The following ACTL6B variants were observed in gnomAD, a reference collection of about 807,000 sequenced individuals.
ACTL6B encodes the protein actin like 6B.
In ACTL6B, 48 loss-of-function variants were observed where a neutral mutation model predicts 63.3. The observed-to-expected ratio is 0.76, with a 90% CI of 0.60 to 0.96. The LOEUF (loss-of-function observed/expected upper bound fraction) is 0.96. ACTL6B is among the 50% of genes least tolerant of loss of function. ACTL6B has a pLI of 0.00. For missense variants in ACTL6B, 350 were observed against 572.2 expected (o/e 0.61, Z 3.96); for synonymous variants, 230 against 223.8 (o/e 1.03, Z -0.25).
Position 100,656,388 on chromosome 7 carries a change from G to A in ACTL6B, c.-34C>T. The A allele has an allele frequency of 7.6e-7, 1 of 1,313,304 alleles. No homozygotes were observed. The highest frequency in any genetic ancestry group is 9.7e-7 in the Non-Finnish European group (1 of 1,027,550). 81.4% of individuals were successfully genotyped at this position (1,313,304 alleles called of 1,614,324 possible). On this transcript the variant is annotated 5_prime_UTR_variant, in exon 1 of 14. Coordinates refer to ENST00000160382, the MANE Select transcript of ACTL6B (RefSeq NM_016188.5). Reference sequence around the variant, plus strand: ...CTGCGCTGCTAGCGGCCCGTGGGCGGTGGCGGGATCAGCACCGAGGCGGCC... The same window carrying A: ...CTGCGCTGCTAGCGGCCCGTGGGCGATGGCGGGATCAGCACCGAGGCGGCC...
chr7:100,650,082 G>GC lies in ACTL6B; in HGVS notation c.422_423insG (p.Tyr141Ter). ...EKLTELMFEQYNIPAFFLCKT... is the reference protein window; with the variant it reads ...EKLTELMFEQ Reference sequence around the variant, plus strand: ...TGCATAAGAAGAAGGCAGGAATGTTGTACTGCTCGAACATCAGCTCTGTCA... The same window carrying GC: ...TGCATAAGAAGAAGGCAGGAATGTTGCTACTGCTCGAACATCAGCTCTGTCA... Residue 141 changes from tyrosine to a stop codon, truncating the protein, a stop_gained and frameshift_variant, in exon 5 of 14, where the codon TAC becomes TAGC. Coordinates refer to ENST00000160382, the MANE Select transcript of ACTL6B (RefSeq NM_016188.5). LOFTEE classifies it high-confidence loss of function. The GC allele has an allele frequency of 3.1e-6, 5 of 1,613,982 alleles. No homozygotes were observed. Among genetic ancestry groups the GC allele is most frequent in the Non-Finnish European group, 4.2e-6 (5 of 1,180,008 alleles).
chr7:100,655,205 C>A lies in ACTL6B; in HGVS notation c.269-86G>T. ...AGAAAAGGAGGGAGAAAGGCCAAGC[C>A]CAAAGGAGGGTCAGTGAGTCCAGCT... On this transcript the variant is annotated intron_variant, in intron 3 of 13. Transcript: ENST00000160382. The surrounding 1 kb of genome is among the most constrained non-coding windows in gnomAD (Gnocchi z 4.4). 7.6e-7 allele frequency: 1 copy of A among 1,311,238 alleles called. No homozygotes were observed. Among genetic ancestry groups the A allele is most frequent in the South Asian group, 1.2e-5 (1 of 82,362 alleles). 81.2% of individuals were successfully genotyped at this position (1,311,238 alleles called of 1,614,324 possible). A position where few individuals can be genotyped will look rare whatever the true frequency, so the allele number is the denominator to read the frequency against.
At chr7:100,656,227 C>G (rs888091202) in intron 1 of ACTL6B, 103 bp downstream of exon 1, 5 of 1,285,484 alleles carry the variant, frequency 3.9e-6, no homozygotes, top group Non-Finnish European at 4.0e-6. Context: ...ACTCGACCCG[C>G]TCGTGCGCGG....
chr7:100,656,242 G>T, intron 1 of ACTL6B, 88 bp downstream of exon 1: 1 of 1,323,140 alleles, frequency 7.6e-7, no homozygotes, highest in Non-Finnish European at 9.7e-7. Context: ...GCGCGGAGGT[G>T]ACAGGCCCCG....
At chr7:100,651,904 G>T (rs528572117) in intron 4 of ACTL6B, among the ~76,000 whole-genome samples, 1 of 152,072 alleles carries the variant, frequency 6.6e-6, no homozygotes, top group Non-Finnish European at 1.5e-5. Context: ...TGAAGGACCT[G>T]CTCCATGAAA....
At position 100,647,884 on chromosome 7, in the gene ACTL6B, C is replaced by T. The variant is rs779425934; in HGVS notation, c.670-351G>A. On this transcript the variant is annotated intron_variant, in intron 7 of 13. Transcript: ENST00000160382. The surrounding 1 kb of genome is among the most constrained non-coding windows in gnomAD (Gnocchi z 4.4). ...ATACTCACAGCACCCTGGCTACTGCCTACTGCCGTTCCACTTTACATAAGA... is the reference window on the plus strand; with the variant it reads ...ATACTCACAGCACCCTGGCTACTGCTTACTGCCGTTCCACTTTACATAAGA... 1.2e-5 allele frequency: 3 copies of T among 255,536 alleles called. No homozygotes were observed. Among genetic ancestry groups the T allele is most frequent in the Non-Finnish European group, 1.5e-5 (2 of 134,182 alleles). The allele number at this position is 255,536 out of a possible 1,614,324, so 15.8% of individuals were successfully genotyped here.
chr7:100,656,207 C>A, intron 1 of ACTL6B, 123 bp downstream of exon 1: 1 of 1,196,716 alleles, frequency 8.4e-7, no homozygotes, highest in East Asian at 3.1e-5. Flanking sequence ...GCGGGAGACC[C>A]GAGCCTGAGA....
chr7:100,650,813 T>C (rs771813418), intron 4 of ACTL6B, among the ~76,000 whole-genome samples: 21 of 151,752 alleles, frequency 1.4e-4, no homozygotes, highest in Non-Finnish European at 2.6e-4. Context: ...ATGGAAAATA[T>C]AAGAGAAAAG....
At position 100,646,329 on chromosome 7, in the gene ACTL6B, G is replaced by A. The variant is rs766897181; in HGVS notation, c.1120C>T (p.Arg374Ter). 17 of 1,613,716 alleles carry A rather than the reference G, an allele frequency of 1.1e-5. No individual in the cohort carries two copies. The highest frequency in any genetic ancestry group is 2.2e-5 in the South Asian group (2 of 90,998). The change falls in exon 13 of 14, where the codon CGA (arginine) becomes TGA (stop). Residue 374 changes from arginine (R) to a stop codon, truncating the protein, a stop_gained. Coordinates refer to ENST00000160382, the MANE Select transcript of ACTL6B (RefSeq NM_016188.5). LOFTEE classifies it high-confidence loss of function. The surrounding 1 kb of genome is among the most constrained non-coding windows in gnomAD (Gnocchi z 6.1). ...CTGTTGCTGGCAATGAGTTTCAGTC[G>A]CATGCTCTGGGGGTAAAAAGGGGCT... ...ELSQKTPPSMRLKLIASNSTM... is the reference protein window; with the variant it reads ...ELSQKTPPSM
intron 13 of ACTL6B, among the ~76,000 whole-genome samples, chr7:100,644,411 G>A (rs1803781844): frequency 6.6e-6 from 1 of 152,036 alleles, no homozygotes; most frequent in South Asian, 2.1e-4. Context: ...CACCAGCCCT[G>A]GTCCAAATTG....
At position 100,646,235 on chromosome 7, in the gene ACTL6B, C is replaced by T. The variant is rs568197781; in HGVS notation, c.1200+14G>A. ...CCCCACAGTCAGTGCTAGGCCAGGT[C>T]CCTTTCCTCTCACCAGTGAGGCCAG... On this transcript the variant is annotated intron_variant, in intron 13 of 13. Coordinates refer to ENST00000160382, the MANE Select transcript of ACTL6B (RefSeq NM_016188.5). This position sits in a 1 kb window ranked among gnomAD's most constrained non-coding sequence, Gnocchi z 6.1. 4.3e-5 allele frequency: 69 copies of T among 1,612,512 alleles called. No individual in the cohort carries two copies. The East Asian group carries it at 1.4e-3, about 32-fold the overall frequency.
chr7:100,649,910 G>T, intron 5 of ACTL6B, 128 bp downstream of exon 5: 1 of 766,678 alleles, frequency 1.3e-6, no homozygotes, highest in Non-Finnish European at 2.1e-6. Context: ...GGCAGAGGGA[G>T]GTGTCTGCCC....
chr7:100,651,379 C>T (rs1336997856), intron 4 of ACTL6B, among the ~76,000 whole-genome samples: 4 of 151,752 alleles, frequency 2.6e-5, no homozygotes, highest in East Asian at 1.9e-4. Context: ...GGTGAAACCC[C>T]GTCTCTACTA....
In ACTL6B at chr7:100,647,346, C is replaced by A; in HGVS notation, c.760-62G>T. The A allele has an allele frequency of 6.2e-7, 1 of 1,600,924 alleles. No individual in the cohort carries two copies. ...CCCGTGAGCAGCACCCCCTGCCCCG[C>A]TCCCCCTCCCTGCTCCCCCTCCCAT... On this transcript the variant is annotated intron_variant, in intron 8 of 13. Transcript: ENST00000160382. This position sits in a 1 kb window ranked among gnomAD's most constrained non-coding sequence, Gnocchi z 4.4.
At chr7:100,656,262 G>C (rs1418095510) in intron 1 of ACTL6B, 68 bp downstream of exon 1, 2 of 1,369,262 alleles carry the variant, frequency 1.5e-6, no homozygotes, top group Non-Finnish European at 1.9e-6. Context: ...GGGGTGCCCA[G>C]AGCTCGGATG....
Position 100,647,270 on chromosome 7 carries a change from G to C in ACTL6B, c.774C>G (p.Asp258Glu). The C allele has an allele frequency of 6.2e-7, 1 of 1,613,312 alleles. No homozygotes were observed. The highest frequency in any genetic ancestry group is 8.5e-7 in the Non-Finnish European group (1 of 1,179,942). Residue 258 changes from aspartate to glutamate, a missense_variant, in exon 9 of 14, where the codon GAC becomes GAG. Asp to Glu is a conservative substitution (Grantham distance 45, BLOSUM62 2). Coordinates refer to ENST00000160382, the MANE Select transcript of ACTL6B (RefSeq NM_016188.5). This position sits in a 1 kb window ranked among gnomAD's most constrained non-coding sequence, Gnocchi z 4.4. Reference sequence around the variant, plus strand: ...AGACCTGCAGCACGGAGGCCTGGAAGTCCTGGATCACCTCCTGAAATCCCA... The same window carrying C: ...AGACCTGCAGCACGGAGGCCTGGAACTCCTGGATCACCTCCTGAAATCCCA... ...HNYMCNEVIQ[D>E]FQASVLQVSD... is the part of the protein sequence containing the mutation.
rs758542392 is a variant in ACTL6B at position 100,648,713 on chromosome 7, C to A, written c.562+16G>T. ...TGGTCCTCCTGGAGCACCCCCACCC[C>A]CTGCCGAAGCCCCACCTTGCTGCAG... On this transcript the variant is annotated intron_variant, in intron 6 of 13. Coordinates refer to ENST00000160382, the MANE Select transcript of ACTL6B (RefSeq NM_016188.5). The surrounding 1 kb of genome is among the most constrained non-coding windows in gnomAD (Gnocchi z 4.4). 1.8e-5 allele frequency: 29 copies of A among 1,613,794 alleles called. No homozygotes were observed. The highest frequency in any genetic ancestry group is 2.4e-5 in the Non-Finnish European group (28 of 1,179,936).
At chr7:100,651,355 A>G (rs1371226238) in intron 4 of ACTL6B, among the ~76,000 whole-genome samples, 2 of 152,048 alleles carry the variant, frequency 1.3e-5, no homozygotes, top group East Asian at 3.9e-4. Context: ...GTTTGAGACC[A>G]GCCTGGCCAA....
rs575722052 is a variant in ACTL6B at position 100,650,269 on chromosome 7, A to G, written c.370-134T>C. On this transcript the variant is annotated intron_variant, in intron 4 of 13. Transcript: ENST00000160382. ...CATCCAAACACTTGCACACACATAC[A>G]CAACCTAAACACTCACACATACACT... The G allele has an allele frequency of 2.0e-5, 14 of 687,502 alleles. No individual in the cohort carries two copies. In the East Asian group the frequency reaches 3.6e-4, roughly 18 times the overall value. 42.6% of individuals were successfully genotyped at this position (687,502 alleles called of 1,614,324 possible).
Sources: gnomAD v4.1 joint callset for allele counts (sites outside exome capture counted in the v4.1 genomes callset) on GRCh38, gnomAD v4.1.1 for gene constraint, Gnocchi (gnomAD v3.1) non-coding constraint, MANE v1.5 for transcripts, NCBI Gene and HGNC (gene_info 2026-07-23, HGNC 2026-07-21) for gene names.